Variants in SPRY2 observed in about 807,000 individuals in gnomAD.
SPRY2 encodes the protein sprouty RTK signaling antagonist 2.
SPRY2 carries 10 observed loss-of-function variants against 23.4 expected under a neutral mutation model. The ratio of observed to expected loss-of-function variants is 0.43; its 90% CI spans 0.26 to 0.73. The LOEUF is 0.73. SPRY2 is among the 30% of genes least tolerant of loss of function. The probability of loss-of-function intolerance (pLI) is 0.22; values close to 1 mark genes in which losing one functional copy is unlikely to be tolerated. For synonymous variants in SPRY2, 170 were observed against 156.9 expected (o/e 1.08, Z -0.62); for missense variants, 344 against 396.9 (o/e 0.87, Z 1.13).
Position 80,336,792 on chromosome 13 carries a change from G to C in SPRY2, c.914C>G (p.Thr305Ser), listed in dbSNP as rs1262917592. ...TTTTTCAAAGTTCCTAGGGGGGACA[G>C]TGGGAACTTTGCAGCAAACTGTGTT... ...NSNTVCCKVP[T>S]VPPRNFEKPT Residue 305 changes from threonine to serine, a missense_variant, in exon 2 of 2, where the codon ACT becomes AGT. Physicochemically the swap from Thr to Ser is moderately conservative, Grantham distance 58. Transcript: ENST00000377104. 6.2e-7 allele frequency: 1 copy of C among 1,614,080 alleles called. No homozygotes were observed. The highest frequency in any genetic ancestry group is 8.5e-7 in the Non-Finnish European group (1 of 1,180,050).
At position 80,337,300 on chromosome 13, in the gene SPRY2, G is replaced by A. The variant is rs771558403; in HGVS notation, c.406C>T (p.Leu136=). The A allele has an allele frequency of 8.1e-6, 13 of 1,614,036 alleles. No individual in the cohort carries two copies. The Admixed American group carries it at 2.0e-4, about 25-fold the overall frequency. Residue 136 remains leucine, a synonymous_variant, in exon 2 of 2, where the codon CTA becomes TTA. Coordinates refer to ENST00000377104, the MANE Select transcript of SPRY2 (RefSeq NM_005842.4). Reference sequence around the variant, plus strand: ...GGCCCGGAGGAGAAGGATGATCCTAGCAGTCTCTGTTCAGAGGAGCTGCTG... The same window carrying A: ...GGCCCGGAGGAGAAGGATGATCCTAACAGTCTCTGTTCAGAGGAGCTGCTG... ...TSSSSSEQRL[L]GSSFSSGPVA... is the part of the protein sequence containing the mutation.
chr13:80,338,243 T>A (rs1340970059), intron 1 of SPRY2, among the ~76,000 whole-genome samples: 1 of 152,352 alleles, frequency 6.6e-6, no homozygotes, highest in South Asian at 2.1e-4. Flanking sequence ...ACACTTTAAC[T>A]GTGACGTATA....
chr13:80,338,921 C>G (rs185675647), intron 1 of SPRY2: 1 of 152,378 alleles, frequency 6.6e-6, no homozygotes, highest in Non-Finnish European at 1.5e-5. Context: ...CCGTCCCCAG[C>G]AGGTGGGACA....
intron 1 of SPRY2, chr13:80,339,724 G>A (rs1256511461): frequency 6.6e-6 from 1 of 152,082 alleles, no homozygotes; most frequent in African/African-American, 2.4e-5. Flanking sequence ...AGGATTAGGG[G>A]AAAAGAACTT....
Position 80,337,520 on chromosome 13 carries a change from G to A in SPRY2, c.186C>T (p.Val62=). The part of the protein sequence containing the change: ...TNEYTEGPTV[V]PRPGLKPAPR... ...GAGCAGGCTTGAGCCCAGGTCTTGG[G>A]ACGACAGTAGGCCCCTCTGTGTACT... Residue 62 remains valine, a synonymous_variant, in exon 2 of 2, where the codon GTC becomes GTT. Transcript: ENST00000377104. The A allele has an allele frequency of 6.2e-7, 1 of 1,614,174 alleles. No individual in the cohort carries two copies. Among genetic ancestry groups the A allele is most frequent in the Non-Finnish European group, 8.5e-7 (1 of 1,180,046 alleles).
At chr13:80,339,782 C>T (rs918125010) in intron 1 of SPRY2, 1 of 152,234 alleles carries the variant, frequency 6.6e-6, no homozygotes, top group Non-Finnish European at 1.5e-5. Flanking sequence ...TTGTAAAAAA[C>T]ACACAAGAAT....
rs1286508608 is a variant in SPRY2, at chr13:80,341,103, G to A, written c.-533C>T. On this transcript the variant is annotated 5_prime_UTR_variant, in exon 1 of 2. Coordinates refer to ENST00000377104, the MANE Select transcript of SPRY2 (RefSeq NM_005842.4). ...CCCTCTCCTCCGCTAGCGCTGCGGCGCGCAGCTCTCGGCGGTGCAGACTGG... is the reference window on the plus strand; with the variant it reads ...CCCTCTCCTCCGCTAGCGCTGCGGCACGCAGCTCTCGGCGGTGCAGACTGG... Among the ~76,000 whole-genome samples the A allele has an allele frequency of 6.7e-6, 1 of 150,272 alleles. No individual in the cohort carries two copies. The highest frequency in any genetic ancestry group is 2.0e-4 in the East Asian group (1 of 5,098).
chr13:80,339,387 A>C (rs1441988084), intron 1 of SPRY2: 2 of 151,986 alleles, frequency 1.3e-5, no homozygotes, highest in Non-Finnish European at 2.9e-5. Context: ...AGAAAAAAAA[A>C]AGATATCATA....
rs1430808112 is a variant in SPRY2, at chr13:80,341,081, TCTC to T, written c.-514_-512del. 6.7e-6 allele frequency: 1 copy of T among 149,054 alleles called. No homozygotes were observed. Among genetic ancestry groups the T allele is most frequent in the Admixed American group, 6.7e-5 (1 of 14,918 alleles). The allele number at this position is 149,054 out of a possible 1,614,324, so 9.2% of individuals were successfully genotyped here. On this transcript the variant is annotated 5_prime_UTR_variant, in exon 1 of 2. Transcript: ENST00000377104. ...GGGCGCTGCGCGCTCCGCCGGCCCCTCTCCTCCGCTAGCGCTGCGGCGCGCAGC... is the reference window on the plus strand; with the variant it reads ...GGGCGCTGCGCGCTCCGCCGGCCCCTCTCCGCTAGCGCTGCGGCGCGCAGC...
rs1593912803 is a variant in SPRY2, at chr13:80,336,620, C to G, written c.*138G>C. 1.1e-6 allele frequency: 1 copy of G among 925,248 alleles called. No individual in the cohort carries two copies. The highest frequency in any genetic ancestry group is 1.7e-6 in the Non-Finnish European group (1 of 596,594). 57.3% of individuals were successfully genotyped at this position (925,248 alleles called of 1,614,324 possible). A position where few individuals can be genotyped will look rare whatever the true frequency, so the allele number is the denominator to read the frequency against. On this transcript the variant is annotated 3_prime_UTR_variant, in exon 2 of 2. Coordinates refer to ENST00000377104, the MANE Select transcript of SPRY2 (RefSeq NM_005842.4). ...GTTAAAACGGCACATGGACAAAAAGCATTTCACCGCAAACAGCAAAGACTA... is the reference window on the plus strand; with the variant it reads ...GTTAAAACGGCACATGGACAAAAAGGATTTCACCGCAAACAGCAAAGACTA...
At chr13:80,339,010 A>C (rs1347903475) in intron 1 of SPRY2, 1 of 152,340 alleles carries the variant, frequency 6.6e-6, no homozygotes, top group Non-Finnish European at 1.5e-5. Context: ...TACGATCCCC[A>C]GACTCAGACA....
In SPRY2 at chr13:80,337,297, C is replaced by T; in HGVS notation, c.409G>A (p.Gly137Arg). 6.2e-7 allele frequency: 1 copy of T among 1,614,180 alleles called. No individual in the cohort carries two copies. The highest frequency in any genetic ancestry group is 8.5e-7 in the Non-Finnish European group (1 of 1,180,038). The change falls in exon 2 of 2, where the codon GGA becomes AGA. Residue 137 changes from glycine (G) to arginine (R), a missense_variant. By Grantham distance (125) the Gly-to-Arg change is moderately radical (BLOSUM62 -2). Coordinates refer to ENST00000377104, the MANE Select transcript of SPRY2 (RefSeq NM_005842.4). ...ACAGGCCCGGAGGAGAAGGATGATC[C>T]TAGCAGTCTCTGTTCAGAGGAGCTG... is the stretch of plus-strand genomic sequence containing the variant. ...SSSSSEQRLL[G>R]SSFSSGPVAD...
intron 1 of SPRY2, among the ~76,000 whole-genome samples, chr13:80,338,415 T>C (rs1255275348): frequency 3.3e-5 from 5 of 152,184 alleles, no homozygotes; most frequent in Non-Finnish European, 7.3e-5. Context: ...CAGAAACACA[T>C]TAAAGCAAAC....
Position 80,339,977 on chromosome 13 carries a change from A to C in SPRY2, c.-52+645T>G, listed in dbSNP as rs557591992. On this transcript the variant is annotated intron_variant, in intron 1 of 1. Transcript: ENST00000377104. Reference sequence around the variant, plus strand: ...GCTGACCACGAAGAACGGAAGAGAGAGAGCTGCACTTCCGAACCGCAGAGA... The same window carrying C: ...GCTGACCACGAAGAACGGAAGAGAGCGAGCTGCACTTCCGAACCGCAGAGA... Among the ~76,000 whole-genome samples, 3 of 152,300 alleles carry C rather than the reference A, an allele frequency of 2.0e-5. No homozygotes were observed. In the South Asian group the frequency reaches 6.2e-4, roughly 32 times the overall value.
intron 1 of SPRY2, among the ~76,000 whole-genome samples, chr13:80,338,535 T>G (rs975863128): frequency 6.6e-6 from 1 of 152,328 alleles, no homozygotes; most frequent in African/African-American, 2.4e-5. Flanking sequence ...AGCTAAAAGG[T>G]TGTTCTCCCT....
At chr13:80,338,489 C>A (rs1171178832) in intron 1 of SPRY2, among the ~76,000 whole-genome samples, 2 of 152,218 alleles carry the variant, frequency 1.3e-5, no homozygotes, top group South Asian at 2.1e-4. Flanking sequence ...AACTATTTTA[C>A]AGTCTGATAG....
intron 1 of SPRY2, among the ~76,000 whole-genome samples, chr13:80,338,474 G>A (rs1880376420): frequency 6.6e-6 from 1 of 152,124 alleles, no homozygotes; most frequent in Non-Finnish European, 1.5e-5. Flanking sequence ...AACAACTTAA[G>A]AATTAACTAT....
At chr13:80,339,205 C>T (rs1566316797) in intron 1 of SPRY2, 1 of 152,296 alleles carries the variant, frequency 6.6e-6, no homozygotes, top group African/African-American at 2.4e-5. Context: ...CAAAGCCCCT[C>T]GGACATCCGG....
rs35357014 is a variant in SPRY2, at chr13:80,336,706, T to TA, written c.*51dup. ...TGTTTAGTTGGTTGCATATGTGTAT[T>TA]AAAAAAAGAAAGAAAAAATCCTCAT... On this transcript the variant is annotated 3_prime_UTR_variant, in exon 2 of 2. Transcript: ENST00000377104. The TA allele has an allele frequency of 4.5e-6, 7 of 1,540,212 alleles. No individual in the cohort carries two copies. Among genetic ancestry groups the TA allele is most frequent in the South Asian group, 3.5e-5 (3 of 85,914 alleles).
Sources: allele counts gnomAD v4.1 joint callset (sites outside exome capture counted in the v4.1 genomes callset), GRCh38; gene constraint gnomAD v4.1.1; transcripts MANE v1.5; gene names NCBI Gene and HGNC (gene_info 2026-07-23, HGNC 2026-07-21).